MXRA5: variants seen among roughly 807,000 people sequenced by gnomAD.
The protein encoded by MXRA5 is matrix remodeling associated 5, also known as matrix-remodeling-associated protein 5.
Under a neutral mutation model 112.5 loss-of-function variants are expected in MXRA5, and 41 were observed. The observed-to-expected ratio is 0.36, with a 90% CI of 0.28 to 0.47. The LOEUF is 0.47. Ranked by LOEUF, MXRA5 falls within the 20% of genes least tolerant of loss-of-function variation. The pLI is 0.99. For synonymous variants in MXRA5, 862 were observed against 900.8 expected, an observed-to-expected ratio of 0.96 and a Z score of 0.77; for missense variants, 2,150 against 2,251.0, an observed-to-expected ratio of 0.96 and a Z score of 0.91.
At chrX:3,316,192 T>C (rs1229755415) in intron 6 of MXRA5, among the ~76,000 whole-genome samples, 1 of 86,537 alleles carries the variant, frequency 1.2e-5, no homozygotes, top group Non-Finnish European at 2.2e-5. Flanking sequence ...CGGGCGCCTG[T>C]AGTCCCAGCT....
rs1290757492 is a variant in MXRA5 at position 3,309,660 on chromosome X, C to T, written c.*56G>A. 2.0e-5 allele frequency: 21 copies of T among 1,071,703 alleles called. No individual in the cohort carries two copies. The highest frequency in any genetic ancestry group is 2.5e-5 in the Non-Finnish European group (20 of 789,647). The allele number at this position is 1,071,703 out of a possible 1,213,427, so 88.3% of individuals were successfully genotyped here. A position where few individuals can be genotyped will look rare whatever the true frequency, so the allele number is the denominator to read the frequency against. On this transcript the variant is annotated 3_prime_UTR_variant, in exon 7 of 7. Transcript: ENST00000217939. The stretch of plus-strand genomic sequence containing the variant: ...AGCTCCTATTCCCCAACCTGGCTTC[C>T]CTTACAAACCCCGCTTTGTTGTCAG...
At position 3,317,539 on chromosome X, in the gene MXRA5, C is replaced by CG. The variant is rs1381050008; in HGVS notation, c.6141dup (p.Val2048ArgfsTer74). The CG allele has an allele frequency of 8.3e-7, 1 of 1,207,282 alleles. No homozygotes were observed. The highest frequency in any genetic ancestry group is 1.1e-6 in the Non-Finnish European group (1 of 893,720). On this transcript the variant is annotated frameshift_variant, in exon 6 of 7. Transcript: ENST00000217939. LOFTEE classifies it high-confidence loss of function. ...TTCTCCAGCTTCTCCTGGTGGATAACGGGGGGCAGTGCCGCCACGTGCAGG... is the reference window on the plus strand; with the variant it reads ...TTCTCCAGCTTCTCCTGGTGGATAACGGGGGGGCAGTGCCGCCACGTGCAGG...
chrX:3,324,178 C>T lies in MXRA5; in HGVS notation c.1507G>A (p.Val503Met), dbSNP rs781762875. The T allele has an allele frequency of 1.8e-5, 22 of 1,211,548 alleles. No individual in the cohort carries two copies. The highest frequency in any genetic ancestry group is 1.5e-4 in the Admixed American group (7 of 45,957). The part of the protein sequence containing the change: ...EGGPCQLSCN[V>M]KASESPSIFW... ...ATAGATGGACTCTCAGAAGCTTTCA[C>T]GTTGCAGCTCAACTGGCATGGACCC... Residue 503 changes from valine (V) to methionine (M), a missense_variant, in exon 5 of 7, where the codon GTG becomes ATG. Transcript: ENST00000217939.
At chrX:3,316,525 G>A (rs1480795430) in intron 6 of MXRA5, among the ~76,000 whole-genome samples, 2 of 24,865 alleles carry the variant, frequency 8.0e-5, no homozygotes, top group African/African-American at 1.7e-4. Flanking sequence ...ATAACAAGCC[G>A]TGCCTCATGG....
intron 4 of MXRA5, among the ~76,000 whole-genome samples, chrX:3,328,948 G>GGGAA (rs927255554): frequency 9.9e-6 from 1 of 101,094 alleles, no homozygotes; most frequent in Non-Finnish European, 2.0e-5. Flanking sequence ...GAGCGAGGGA[G>GGGAA]GGAAGGAAGG....
rs191500002 is a variant in MXRA5 at position 3,311,450 on chromosome X, G to T, written c.6753C>A (p.Asn2251Lys). ...KPAKIEHKEE[N>K]DHKVFYGGDL... ...CACCCCCGTAGAAGACTTTGTGGTCGTTCTCCTCCTTGTGTTCAATCTTGG... is the reference window on the plus strand; with the variant it reads ...CACCCCCGTAGAAGACTTTGTGGTCTTTCTCCTCCTTGTGTTCAATCTTGG... Residue 2251 changes from asparagine to lysine, a missense_variant, in exon 7 of 7, where the codon AAC becomes AAA. This residue lies in a region of MXRA5 where 1,485 missense variants were observed against 1,471.6 expected (regional missense o/e 1.01). Coordinates refer to ENST00000217939, the MANE Select transcript of MXRA5 (RefSeq NM_015419.4). 3 of 1,209,861 alleles carry T rather than the reference G, an allele frequency of 2.5e-6. No individual in the cohort carries two copies. The highest frequency in any genetic ancestry group is 1.8e-5 in the African/African-American group (1 of 57,141).
At chrX:3,341,300 CATATT>C (rs1284069724) in intron 2 of MXRA5, among the ~76,000 whole-genome samples, 6 of 39,906 alleles carry the variant, frequency 1.5e-4, no homozygotes, top group African/African-American at 4.4e-4. Flanking sequence ...ATATAATATA[CATATT>C]ATATTATATA....
intron 2 of MXRA5, among the ~76,000 whole-genome samples, chrX:3,336,162 C>T (rs1199267899): frequency 8.9e-6 from 1 of 111,936 alleles, no homozygotes; most frequent in East Asian, 2.8e-4. Flanking sequence ...TTGCGCACTC[C>T]TTATGAGAAT....
Position 3,309,884 on chromosome X carries a change from C to T in MXRA5, c.8319G>A (p.Ser2773=). ...GAGCCTGAACCCCTGCCTTCAGATG[C>T]GACTTATCCGGTAACTCCCACGTGA... ...ADITWELPDK[S]HLKAGVQARL... The change falls in exon 7 of 7, where the codon TCG becomes TCA. Residue 2773 remains serine, a synonymous_variant. Coordinates refer to ENST00000217939, the MANE Select transcript of MXRA5 (RefSeq NM_015419.4). The T allele has an allele frequency of 4.1e-6, 5 of 1,211,578 alleles. No individual in the cohort carries two copies. The South Asian group carries it at 5.3e-5, about 13-fold the overall frequency.
Position 3,309,872 on chromosome X carries a change from T to C in MXRA5, c.8331A>G (p.Ala2777=), listed in dbSNP as rs1390957261. ...WELPDKSHLK[A]GVQARLYGNR... is the part of the protein sequence containing the mutation. The stretch of plus-strand genomic sequence containing the variant: ...TTCCATACAGACGAGCCTGAACCCC[T>C]GCCTTCAGATGCGACTTATCCGGTA... Residue 2777 remains alanine, a synonymous_variant, in exon 7 of 7, where the codon GCA becomes GCG. Transcript: ENST00000217939. 1 of 1,209,699 alleles carries C rather than the reference T, an allele frequency of 8.3e-7. No individual in the cohort carries two copies. The highest frequency in any genetic ancestry group is 1.1e-6 in the Non-Finnish European group (1 of 895,178).
intron 4 of MXRA5, among the ~76,000 whole-genome samples, chrX:3,327,183 G>A (rs1473083581): frequency 1.1e-4 from 10 of 90,189 alleles, no homozygotes; most frequent in Admixed American, 1.0e-3. Flanking sequence ...GAATTATAAA[G>A]CTCCTAACTG....
At position 3,309,649 on chromosome X, in the gene MXRA5, A is replaced by G. The variant is rs1329227276; in HGVS notation, c.*67T>C. On this transcript the variant is annotated 3_prime_UTR_variant, in exon 7 of 7. Transcript: ENST00000217939. ...CATTATTTAAGAGCTCCTATTCCCC[A>G]ACCTGGCTTCCCTTACAAACCCCGC... is the stretch of plus-strand genomic sequence containing the variant. 8 of 999,786 alleles carry G rather than the reference A, an allele frequency of 8.0e-6. No individual in the cohort carries two copies. The East Asian group carries it at 2.6e-4, about 32-fold the overall frequency. The allele number at this position is 999,786 out of a possible 1,213,427, so 82.4% of individuals were successfully genotyped here.
At chrX:3,332,268 C>T (rs1274510442) in intron 2 of MXRA5, among the ~76,000 whole-genome samples, 15 of 109,569 alleles carry the variant, frequency 1.4e-4, no homozygotes, top group African/African-American at 4.7e-4. Context: ...TTTTTTGAGA[C>T]GGAGTCTCGC....
Position 3,343,626 on chromosome X carries a change from G to A in MXRA5, c.188+20C>T, listed in dbSNP as rs372180159. The A allele has an allele frequency of 3.3e-6, 4 of 1,199,016 alleles. No homozygotes were observed. The highest frequency in any genetic ancestry group is 3.4e-6 in the Non-Finnish European group (3 of 885,215). ...GCACGCACTGACAGTGGGAAGGTTC[G>A]GGAAGAAAGTGGTACAAACCCCAAA... On this transcript the variant is annotated intron_variant, in intron 2 of 6. Coordinates refer to ENST00000217939, the MANE Select transcript of MXRA5 (RefSeq NM_015419.4).
Position 3,317,233 on chromosome X carries a change from C to G in MXRA5, c.6448G>C (p.Gly2150Arg), listed in dbSNP as rs758197197. 3 of 1,211,100 alleles carry G rather than the reference C, an allele frequency of 2.5e-6. No homozygotes were observed. The highest frequency in any genetic ancestry group is 3.4e-6 in the Non-Finnish European group (3 of 895,290). Reference sequence around the variant, plus strand: ...ACGTCCGTCCTCCGCGGGGAGGTGCCCGTGATGCGCGCGTTGGCTGCTGCA... The same window carrying G: ...ACGTCCGTCCTCCGCGGGGAGGTGCGCGTGATGCGCGCGTTGGCTGCTGCA... The part of the protein sequence containing the change: ...QRAAANARIT[G>R]TSPRRTDVRY... Residue 2150 changes from glycine (G) to arginine (R), a missense_variant, in exon 6 of 7, where the codon GGC (glycine) becomes CGC (arginine). Transcript: ENST00000217939.
At chrX:3,333,302 CAAAAAAAAAAAAAA>C (rs386416494) in intron 2 of MXRA5, among the ~76,000 whole-genome samples, 7 of 14,809 alleles carry the variant, frequency 4.7e-4, no homozygotes, top group Admixed American at 1.4e-3. Flanking sequence ...TACCCCATAT[CAAAAAAAAAAAAAA>C]AAAAAAAAAA....
chrX:3,336,643 A>G (rs779003046), intron 2 of MXRA5, among the ~76,000 whole-genome samples: 1 of 112,132 alleles, frequency 8.9e-6, no homozygotes, highest in South Asian at 3.8e-4. Context: ...AATAGTTTGA[A>G]TGTACTAAAT....
rs761970992 is a variant in MXRA5 at position 3,320,111 on chromosome X, CTTG to C, written c.5571_5573del (p.Lys1858del). On this transcript the variant is annotated inframe_deletion, in exon 5 of 7. Coordinates refer to ENST00000217939, the MANE Select transcript of MXRA5 (RefSeq NM_015419.4). Reference sequence around the variant, plus strand: ...CGGTGACGGACACAGTCTGTGGGGACTTGGTGAGGATTTGTGGCTTTTCCCCAA... The same window carrying C: ...CGGTGACGGACACAGTCTGTGGGGACGTGAGGATTTGTGGCTTTTCCCCAA... 1.7e-6 allele frequency: 2 copies of C among 1,211,386 alleles called. No individual in the cohort carries two copies. The highest frequency in any genetic ancestry group is 4.3e-5 in the Admixed American group (2 of 46,023).
At chrX:3,330,846 A>G (rs146716738) in intron 2 of MXRA5, 73 bp from the exon 3 acceptor site, 16 of 750,336 alleles carry the variant, frequency 2.1e-5, no homozygotes, top group Non-Finnish European at 2.8e-5. Context: ...TAACTCCCAT[A>G]TGGGAAACAT....
Sources: allele counts gnomAD v4.1 joint callset (sites outside exome capture counted in the v4.1 genomes callset), GRCh38; gene constraint gnomAD v4.1.1; regional missense constraint gnomAD v4.1.1; transcripts MANE v1.5; gene names NCBI Gene and HGNC (gene_info 2026-07-23, HGNC 2026-07-21).